ATP4A: variants seen among roughly 807,000 people sequenced by gnomAD.
ATP4A encodes potassium-transporting ATPase alpha chain 1.
A neutral mutation model predicts 112.1 loss-of-function variants in ATP4A; 73 were observed. The observed-to-expected ratio is 0.65, with a 90% confidence interval of 0.54 to 0.79. ATP4A has a LOEUF of 0.79. ATP4A is among the 30% of genes least tolerant of loss of function. The probability of loss-of-function intolerance (pLI) is 0.00; values close to 1 mark genes in which losing one functional copy is unlikely to be tolerated. For missense variants in ATP4A, 1,081 were observed against 1,425.9 expected (o/e 0.76, Z 3.90); for synonymous variants, 588 against 588.9 (o/e 1.00, Z 0.02).
Position 35,555,062 on chromosome 19 carries a change from C to T in ATP4A, c.2341G>A (p.Asp781Asn), listed in dbSNP as rs776970403. 5 of 1,613,446 alleles carry T rather than the reference C, an allele frequency of 3.1e-6. No homozygotes were observed. The highest frequency in any genetic ancestry group is 1.7e-5 in the Admixed American group (1 of 59,994). Residue 781 changes from aspartate (D) to asparagine (N), a missense_variant, in exon 16 of 22, where the codon GAC becomes AAC. Transcript: ENST00000262623. The surrounding 1 kb of genome is among the most constrained non-coding windows in gnomAD (Gnocchi z 6.6). ...TAGGCAATAGACTTCTTCAGGTTGTCGAAGATCAGTCGACCTGTGGGGTAG... is the reference window on the plus strand; with the variant it reads ...TAGGCAATAGACTTCTTCAGGTTGTTGAAGATCAGTCGACCTGTGGGGTAG... ...TGVEQGRLIF[D>N]NLKKSIAYTL...
chr19:35,552,196 G>A (rs1003865559), intron 18 of ATP4A, among the ~76,000 whole-genome samples: 1 of 152,140 alleles, frequency 6.6e-6, no homozygotes, highest in African/African-American at 2.4e-5. Flanking sequence ...ACAAGCATGT[G>A]CCACCATGCC....
intron 4 of ATP4A, 137 bp from the exon 5 acceptor site, chr19:35,561,069 C>T: frequency 2.9e-6 from 2 of 686,816 alleles, no homozygotes; most frequent in South Asian, 3.5e-5. Context: ...CTCCATGCAC[C>T]ATTCCCTGTA....
At chr19:35,561,717 C>CT (rs2071671869) in intron 4 of ATP4A, among the ~76,000 whole-genome samples, 1 of 152,030 alleles carries the variant, frequency 6.6e-6, no homozygotes. Context: ...TTGTGTCTCT[C>CT]TATGTGCTGT....
chr19:35,556,929 C>T lies in ATP4A; in HGVS notation c.1853G>A (p.Arg618His), dbSNP rs149515531. Residue 618 changes from arginine to histidine, a missense_variant, in exon 12 of 22, where the codon CGC (arginine) becomes CAC (histidine). Arg to His is a conservative substitution (Grantham distance 29). This residue lies in a region of ATP4A where 850 missense variants were observed against 1,068.2 expected (regional missense o/e 0.80). Coordinates refer to ENST00000262623, the MANE Select transcript of ATP4A (RefSeq NM_000704.3). The stretch of plus-strand genomic sequence containing the variant: ...GTGGCATACCCGGATGCCTGCGGTG[C>T]GACACTTGAGCACAGCATCAGGGAC... The part of the protein sequence containing the change: ...ATVPDAVLKC[R>H]TAGIRVIMVT... 21 of 1,613,866 alleles carry T rather than the reference C, an allele frequency of 1.3e-5. No individual in the cohort carries two copies. Among genetic ancestry groups the T allele is most frequent in the African/African-American group, 1.1e-4 (8 of 74,920 alleles).
In ATP4A at chr19:35,555,918, G is replaced by C. The variant is rs1472354679; in HGVS notation, c.1870-106C>G. 29 of 1,459,634 alleles carry C rather than the reference G, an allele frequency of 2.0e-5. No individual in the cohort carries two copies. The highest frequency in any genetic ancestry group is 2.4e-5 in the Non-Finnish European group (26 of 1,090,776). 90.4% of individuals were successfully genotyped at this position (1,459,634 alleles called of 1,614,324 possible). A position where few individuals can be genotyped will look rare whatever the true frequency, so the allele number is the denominator to read the frequency against. On this transcript the variant is annotated intron_variant, in intron 12 of 21. Transcript: ENST00000262623. The surrounding 1 kb of genome is among the most constrained non-coding windows in gnomAD (Gnocchi z 6.6). ...CACGTGTTCATTTACTTGACCAAGCGTGACCACCTCCTACGTGCCTGGGAT... is the reference window on the plus strand; with the variant it reads ...CACGTGTTCATTTACTTGACCAAGCCTGACCACCTCCTACGTGCCTGGGAT...
rs2071635597 is a variant in ATP4A, at chr19:35,557,082, C to A, written c.1700G>T (p.Cys567Phe). ...GGLGERVLGF[C>F]QLYLNEKDYP... is the part of the protein sequence containing the mutation. ...GTCCTTCTCATTCAGGTAGAGCTGG[C>A]AGAAGCCTGACCGGAAACGGGGAAG... The change falls in exon 12 of 22, where the codon TGC (cysteine) becomes TTC (phenylalanine). Residue 567 changes from cysteine (C) to phenylalanine (F), a missense_variant. Around this residue, in one of 3 missense-constraint regions of ATP4A, gnomAD observed 850 missense variants for 1,068.2 expected, o/e 0.80. Transcript: ENST00000262623. This position sits in a 1 kb window ranked among gnomAD's most constrained non-coding sequence, Gnocchi z 4.4. 1.2e-6 allele frequency: 2 copies of A among 1,614,138 alleles called. No individual in the cohort carries two copies. Among genetic ancestry groups the A allele is most frequent in the Non-Finnish European group, 8.5e-7 (1 of 1,180,008 alleles).
Position 35,558,160 on chromosome 19 carries a change from G to T in ATP4A, c.1500+202C>A, listed in dbSNP as rs2071643847. The T allele has an allele frequency of 2.8e-6, 2 of 719,726 alleles. No individual in the cohort carries two copies. Among genetic ancestry groups the T allele is most frequent in the Admixed American group, 3.0e-5 (1 of 33,774 alleles). The allele number at this position is 719,726 out of a possible 1,614,324, so 44.6% of individuals were successfully genotyped here. On this transcript the variant is annotated intron_variant, in intron 10 of 21. Transcript: ENST00000262623. The surrounding 1 kb of genome is among the most constrained non-coding windows in gnomAD (Gnocchi z 5.1). Reference sequence around the variant, plus strand: ...TCCCCATGGACAGTCCCGCCGAGGAGAAGCTGTGGGCGGGGCTGGGTGGTG... The same window carrying T: ...TCCCCATGGACAGTCCCGCCGAGGATAAGCTGTGGGCGGGGCTGGGTGGTG...
intron 4 of ATP4A, among the ~76,000 whole-genome samples, chr19:35,562,153 G>C (rs2071674630): frequency 6.6e-6 from 1 of 152,054 alleles, no homozygotes; most frequent in Non-Finnish European, 1.5e-5. Flanking sequence ...TACACGCCCG[G>C]CCTCCAAATC....
rs368004904 is a variant in ATP4A, at chr19:35,554,389, CA to C, written c.2481+532del. ...ATCAGTAAAGTACGGGTGATAGTAA[CA>C]AAACTCATCTCATAGTGTGGTTATG... On this transcript the variant is annotated intron_variant, in intron 16 of 21. Coordinates refer to ENST00000262623, the MANE Select transcript of ATP4A (RefSeq NM_000704.3). Among the ~76,000 whole-genome samples, 724 of 152,254 alleles carry C rather than the reference CA, an allele frequency of 4.8e-3. 1 individual carries two copies. The highest frequency in any genetic ancestry group is 8.1e-3 in the Non-Finnish European group (550 of 68,026).
Position 35,560,654 on chromosome 19 carries a change from T to TGGGGGGGGGGG in ATP4A, c.535-40_535-39insCCCCCCCCCCC. On this transcript the variant is annotated intron_variant, in intron 5 of 21. Transcript: ENST00000262623. The surrounding 1 kb of genome is among the most constrained non-coding windows in gnomAD (Gnocchi z 5.1). Reference sequence around the variant, plus strand: ...GCACCAAAGTTGAGGTGGACGGGGGTGGGGGTGGGAGCTGCTGCATGTGGG... The same window carrying TGGGGGGGGGGG: ...GCACCAAAGTTGAGGTGGACGGGGGTGGGGGGGGGGGGGGGGTGGGAGCTGCTGCATGTGGG... The TGGGGGGGGGGG allele has an allele frequency of 2.0e-6, 1 of 506,900 alleles. No homozygotes were observed. 31.4% of individuals were successfully genotyped at this position (506,900 alleles called of 1,614,324 possible).
rs2071676377 is a variant in ATP4A, at chr19:35,562,448, G to T, written c.407C>A (p.Thr136Asn). The T allele has an allele frequency of 1.2e-6, 2 of 1,613,958 alleles. No homozygotes were observed. Among genetic ancestry groups the T allele is most frequent in the Non-Finnish European group, 1.7e-6 (2 of 1,179,930 alleles). The change falls in exon 4 of 22, where the codon ACC becomes AAC. Residue 136 changes from threonine to asparagine, a missense_variant. By Grantham distance (65) the Thr-to-Asn change is moderately conservative. This residue lies in a region of ATP4A where 850 missense variants were observed against 1,068.2 expected (regional missense o/e 0.80). Coordinates refer to ENST00000262623, the MANE Select transcript of ATP4A (RefSeq NM_000704.3). The part of the protein sequence containing the change: ...FAIQASEGDL[T>N]TDDNLYLAIA... Reference sequence around the variant, plus strand: ...AACATGGCTCACATTGTCGTCGGTGGTGAGGTCCCCCTCACTAGCCTGGAT... The same window carrying T: ...AACATGGCTCACATTGTCGTCGGTGTTGAGGTCCCCCTCACTAGCCTGGAT...
Position 35,555,886 on chromosome 19 carries a change from G to T in ATP4A, c.1870-74C>A. On this transcript the variant is annotated intron_variant, in intron 12 of 21. Coordinates refer to ENST00000262623, the MANE Select transcript of ATP4A (RefSeq NM_000704.3). This position sits in a 1 kb window ranked among gnomAD's most constrained non-coding sequence, Gnocchi z 6.6. ...TCCCTGTCCTCCCTGGGAGACATCT[G>T]CTGATACACGTGTTCATTTACTTGA... is the stretch of plus-strand genomic sequence containing the variant. 1 of 1,523,550 alleles carries T rather than the reference G, an allele frequency of 6.6e-7. No individual in the cohort carries two copies. The allele number at this position is 1,523,550 out of a possible 1,614,324, so 94.4% of individuals were successfully genotyped here. A position where few individuals can be genotyped will look rare whatever the true frequency, so the allele number is the denominator to read the frequency against.
At position 35,557,161 on chromosome 19, in the gene ATP4A, A is replaced by G; in HGVS notation, c.1694-73T>C. 1 of 1,550,416 alleles carries G rather than the reference A, an allele frequency of 6.4e-7. No homozygotes were observed. The highest frequency in any genetic ancestry group is 1.1e-5 in the South Asian group (1 of 88,356). On this transcript the variant is annotated intron_variant, in intron 11 of 21. Coordinates refer to ENST00000262623, the MANE Select transcript of ATP4A (RefSeq NM_000704.3). The surrounding 1 kb of genome is among the most constrained non-coding windows in gnomAD (Gnocchi z 4.4). ...CTTAGCAGGGCCAGGAAATGGGTAA[A>G]ATAACCAGGCCCCTTGCACCAAACA...
intron 18 of ATP4A, among the ~76,000 whole-genome samples, chr19:35,552,305 A>G (rs911385861): frequency 6.6e-6 from 1 of 151,938 alleles, no homozygotes; most frequent in Admixed American, 6.5e-5. Context: ...CCGCTGGGTA[A>G]CCCTAGGAGG....
rs765791618 is a variant in ATP4A at position 35,551,413 on chromosome 19, G to A, written c.2885+34C>T. The A allele has an allele frequency of 1.3e-5, 21 of 1,613,648 alleles. No individual in the cohort carries two copies. The highest frequency in any genetic ancestry group is 1.6e-5 in the Non-Finnish European group (19 of 1,180,000). ...GATCTGATGGGAGTTGGGACCAGGG[G>A]TTGGAGGGCAGGAAGAGGGCCAGCC... On this transcript the variant is annotated intron_variant, in intron 19 of 21. Coordinates refer to ENST00000262623, the MANE Select transcript of ATP4A (RefSeq NM_000704.3). The surrounding 1 kb of genome is among the most constrained non-coding windows in gnomAD (Gnocchi z 5.2).
chr19:35,553,964 G>A (rs2071616568), intron 16 of ATP4A, 135 bp from the exon 17 acceptor site: 4 of 1,292,964 alleles, frequency 3.1e-6, no homozygotes, highest in Non-Finnish European at 4.1e-6. Context: ...GGACGGCACA[G>A]CCACACCAGC....
Position 35,563,601 on chromosome 19 carries a change from C to A in ATP4A, c.12+17G>T, listed in dbSNP as rs778084270. 1.2e-6 allele frequency: 2 copies of A among 1,613,896 alleles called. No homozygotes were observed. Among genetic ancestry groups the A allele is most frequent in the Admixed American group, 1.7e-5 (1 of 60,026 alleles). On this transcript the variant is annotated intron_variant, in intron 1 of 21. Transcript: ENST00000262623. ...CCCCTGTCCCCACTGCACCCCGGAC[C>A]CCTGGGCCCCACTCACGGCCTTCCC...
chr19:35,553,932 G>C lies in ATP4A; in HGVS notation c.2482-103C>G, dbSNP rs748049540. On this transcript the variant is annotated intron_variant, in intron 16 of 21. Coordinates refer to ENST00000262623, the MANE Select transcript of ATP4A (RefSeq NM_000704.3). ...CACTTGTGAGCAGGAACAGGACTGAGGTTAGCAGGCAGGACCTGCAGGGAC... is the reference window on the plus strand; with the variant it reads ...CACTTGTGAGCAGGAACAGGACTGACGTTAGCAGGCAGGACCTGCAGGGAC... 403 of 1,461,802 alleles carry C rather than the reference G, an allele frequency of 2.8e-4. 1 individual carries two copies. The highest frequency in any genetic ancestry group is 5.5e-4 in the Admixed American group (25 of 45,660). 90.6% of individuals were successfully genotyped at this position (1,461,802 alleles called of 1,614,324 possible).
At position 35,560,011 on chromosome 19, in the gene ATP4A, G is replaced by A. The variant is rs369106795; in HGVS notation, c.850C>T (p.Leu284=). The part of the protein sequence containing the change: ...DRTIIGRIAS[L]ASGVENEKTP... ...TTCTCGTTTTCCACCCCCGACGCCA[G>A]CGATGCGATGCGCCCAATGATGGTG... Residue 284 remains leucine (L), a synonymous_variant, in exon 7 of 22, where the codon CTG becomes TTG. Transcript: ENST00000262623. The surrounding 1 kb of genome is among the most constrained non-coding windows in gnomAD (Gnocchi z 5.1). The A allele has an allele frequency of 7.2e-5, 117 of 1,614,148 alleles. No homozygotes were observed. Among genetic ancestry groups the A allele is most frequent in the Admixed American group, 1.3e-4 (8 of 60,014 alleles).
Sources: gnomAD v4.1 joint callset for allele counts (sites outside exome capture counted in the v4.1 genomes callset) on GRCh38, gnomAD v4.1.1 for gene constraint, gnomAD v4.1.1 regional missense constraint, Gnocchi (gnomAD v3.1) non-coding constraint, MANE v1.5 for transcripts, NCBI Gene and HGNC (gene_info 2026-07-23, HGNC 2026-07-21) for gene names.